The following MICU1 variants were observed in gnomAD, a reference collection of about 807,000 sequenced individuals.
MICU1 encodes the protein mitochondrial calcium uptake 1.
A neutral mutation model predicts 56.8 loss-of-function variants in MICU1; 45 were observed. The observed-to-expected ratio is 0.79, with a 90% CI of 0.62 to 1.02. The LOEUF is 1.02. MICU1 is among the 50% of genes least tolerant of loss of function. MICU1 has a pLI of 0.00. For missense variants in MICU1, 504 were observed against 587.1 expected (o/e 0.86, Z 1.46); for synonymous variants, 186 against 195.1 (o/e 0.95, Z 0.39).
chr10:72,512,100 GTT>G (rs1199987987), intron 5 of MICU1, among the ~76,000 whole-genome samples: 1 of 82,332 alleles, frequency 1.2e-5, no homozygotes, highest in Non-Finnish European at 2.1e-5. Flanking sequence ...ATACACAGTT[GTT>G]TTTTGTTTTT....
chr10:72,543,072 G>A (rs575555888), intron 4 of MICU1, among the ~76,000 whole-genome samples: 2 of 151,394 alleles, frequency 1.3e-5, no homozygotes, highest in South Asian at 2.1e-4. Flanking sequence ...GACGGGGGTG[G>A]GCCATGGGTA....
At chr10:72,448,975 C>A (rs1564875784) in intron 8 of MICU1, among the ~76,000 whole-genome samples, 1 of 152,158 alleles carries the variant, frequency 6.6e-6, no homozygotes, top group Non-Finnish European at 1.5e-5. Flanking sequence ...CACTCCGTCA[C>A]CCAGGCTGGA....
At chr10:72,388,076 T>C (rs567408619) in intron 10 of MICU1, among the ~76,000 whole-genome samples, 2 of 152,292 alleles carry the variant, frequency 1.3e-5, no homozygotes, top group Admixed American at 6.5e-5. Context: ...AACTAGTGAA[T>C]AGCGGGGACT....
rs145578731 is a variant in MICU1 at position 72,391,577 on chromosome 10, T to A, written c.1181-15705A>T. Among the ~76,000 whole-genome samples the A allele has an allele frequency of 1.8e-4, 28 of 152,338 alleles. No individual in the cohort carries two copies. In the East Asian group the frequency reaches 5.4e-3, roughly 29 times the overall value. ...CATTTACATAGTAATAGGTATTATA[T>A]GTAATCTTGAGATAATTTAAAGTAC... On this transcript the variant is annotated intron_variant, in intron 10 of 11. Coordinates refer to ENST00000361114, the MANE Select transcript of MICU1 (RefSeq NM_001195518.2).
intron 1 of MICU1, among the ~76,000 whole-genome samples, chr10:72,593,794 A>T (rs1841295812): frequency 6.6e-6 from 1 of 152,190 alleles, no homozygotes; most frequent in African/African-American, 2.4e-5. Context: ...AAAATAATAA[A>T]ATCTTTAGGT....
chr10:72,491,424 T>C (rs541666219), intron 6 of MICU1, among the ~76,000 whole-genome samples: 58 of 152,316 alleles, frequency 3.8e-4, no homozygotes, highest in African/African-American at 1.4e-3. Context: ...TTGCTTTTCT[T>C]AAAAGGAGGC....
intron 1 of MICU1, among the ~76,000 whole-genome samples, chr10:72,594,915 A>C (rs1841329940): frequency 6.8e-6 from 1 of 146,964 alleles, no homozygotes; most frequent in African/African-American, 2.7e-5. Flanking sequence ...GTCTCAAAAA[A>C]AGTACAATCC....
intron 8 of MICU1, among the ~76,000 whole-genome samples, chr10:72,473,914 A>G (rs1453477698): frequency 6.6e-6 from 1 of 152,144 alleles, no homozygotes; most frequent in Non-Finnish European, 1.5e-5. Context: ...TAGTTATAGT[A>G]GTTAATGTTT....
intron 6 of MICU1, among the ~76,000 whole-genome samples, chr10:72,487,685 C>T (rs1419873679): frequency 6.6e-6 from 1 of 152,162 alleles, no homozygotes; most frequent in South Asian, 2.1e-4. Context: ...AAAGCCAAAG[C>T]TTTAGCAGAA....
chr10:72,427,671 G>A (rs1864388068), intron 8 of MICU1, among the ~76,000 whole-genome samples: 1 of 150,972 alleles, frequency 6.6e-6, no homozygotes, highest in Non-Finnish European at 1.5e-5. Context: ...AGGCTGACAT[G>A]GGTGGATCGC....
chr10:72,494,852 A>C (rs997423), intron 6 of MICU1, among the ~76,000 whole-genome samples: 69,459 of 151,514 alleles, frequency 0.46, 20,072 homozygotes, highest in Non-Finnish European at 0.67. Context: ...TAAAAAAAAA[A>C]AAAACAAAAC....
intron 8 of MICU1, among the ~76,000 whole-genome samples, chr10:72,423,625 G>A (rs1864250789): frequency 6.6e-6 from 1 of 152,176 alleles, no homozygotes. Flanking sequence ...TAGGAAAGAT[G>A]AGGCTGGGAC....
At chr10:72,429,014 A>G (rs2132151731) in intron 8 of MICU1, among the ~76,000 whole-genome samples, 1 of 152,334 alleles carries the variant, frequency 6.6e-6, no homozygotes, top group Admixed American at 6.5e-5. Context: ...GAGGGTTCAA[A>G]TCTTCTTACC....
chr10:72,555,380 A>G (rs1046594327), intron 3 of MICU1, among the ~76,000 whole-genome samples: 2 of 152,210 alleles, frequency 1.3e-5, no homozygotes, highest in Non-Finnish European at 2.9e-5. Context: ...GTACATTGTT[A>G]TAACTATAAA....
At chr10:72,448,188 TATATA>T (rs1379134314) in intron 8 of MICU1, among the ~76,000 whole-genome samples, 10 of 77,212 alleles carry the variant, frequency 1.3e-4, no homozygotes, top group African/African-American at 3.6e-4. Flanking sequence ...TATATATATA[TATATA>T]TTTTTTTTTT....
At chr10:72,502,256 G>A (rs1026727202) in intron 6 of MICU1, among the ~76,000 whole-genome samples, 22 of 150,550 alleles carry the variant, frequency 1.5e-4, no homozygotes, top group African/African-American at 4.9e-4. Flanking sequence ...CCAGGTTTAA[G>A]CAATTTTCCT....
chr10:72,371,440 C>T (rs952072687), intron 11 of MICU1, among the ~76,000 whole-genome samples: 15 of 144,184 alleles, frequency 1.0e-4, no homozygotes, highest in African/African-American at 3.1e-4. Flanking sequence ...AATAATTTGG[C>T]TTATCAAGAA....
At chr10:72,444,493 A>G (rs1414035185) in intron 8 of MICU1, among the ~76,000 whole-genome samples, 1 of 111,260 alleles carries the variant, frequency 9.0e-6, no homozygotes, top group East Asian at 2.6e-4. Context: ...TCTGTCCCCC[A>G]GGCTGGAGTG....
At chr10:72,392,100 T>C (rs1320197197) in intron 10 of MICU1, 1 of 152,150 alleles carries the variant, frequency 6.6e-6, no homozygotes, top group Non-Finnish European at 1.5e-5. Flanking sequence ...AAATAAAGTA[T>C]ATGGAAAGAT....
Sources: allele counts gnomAD v4.1 joint callset (sites outside exome capture counted in the v4.1 genomes callset), GRCh38; gene constraint gnomAD v4.1.1; transcripts MANE v1.5; gene names NCBI Gene and HGNC (gene_info 2026-07-23, HGNC 2026-07-21).